The following CD99L2 variants were observed in gnomAD, a reference collection of about 807,000 sequenced individuals.
CD99L2 encodes CD99 molecule like 2.
Under a neutral mutation model 27.3 loss-of-function variants are expected in CD99L2, and 24 were observed. The observed-to-expected ratio is 0.88, with a 90% CI of 0.64 to 1.24. CD99L2 has a LOEUF of 1.24. Ranked by LOEUF, CD99L2 falls within the 50% of genes most tolerant of loss-of-function variation. The probability of loss-of-function intolerance (pLI) is 0.00; values close to 1 mark genes in which losing one functional copy is unlikely to be tolerated. For synonymous variants in CD99L2, 97 were observed against 87.9 expected (o/e 1.10, Z -0.58); for missense variants, 255 against 221.6 (o/e 1.15, Z -0.96).
At position 150,824,601 on chromosome X, in the gene CD99L2, GAGGAGAAGAAGA is replaced by G. The variant is rs1346052493; in HGVS notation, c.130+6618_130+6629del. Among the ~76,000 whole-genome samples the G allele has an allele frequency of 9.9e-3, 918 of 92,588 alleles. 9 individuals are homozygous for G. Among genetic ancestry groups the G allele is most frequent in the African/African-American group, 0.033 (803 of 24,455 alleles). 80.4% of individuals were successfully genotyped at this position (92,588 alleles called of 115,157 possible). On this transcript the variant is annotated intron_variant, in intron 2 of 10. Coordinates refer to ENST00000370377, the MANE Select transcript of CD99L2 (RefSeq NM_031462.4). ...GGAGGAGAAGGAGGAGAAGAAGAAG[GAGGAGAAGAAGA>G]AGGAGAAGAAGGAGGAGAAGAAGGA...
chrX:150,817,463 C>T (rs1225477022), intron 2 of CD99L2, among the ~76,000 whole-genome samples: 2 of 111,575 alleles, frequency 1.8e-5, no homozygotes, highest in African/African-American at 6.5e-5. Context: ...AGCTCAACCA[C>T]ATTCCTTAAA....
At chrX:150,777,020 T>C (rs2043568529) in intron 8 of CD99L2, 4 of 172,287 alleles carry the variant, frequency 2.3e-5, no homozygotes, top group African/African-American at 1.2e-4. Context: ...TTGCATTCTT[T>C]TGAGTCCTTG....
chrX:150,893,169 C>T (rs143920228), intron 1 of CD99L2, among the ~76,000 whole-genome samples: 1,526 of 111,920 alleles, frequency 0.014, 19 homozygotes, highest in Middle Eastern at 0.075. Flanking sequence ...AGGGATGTGA[C>T]CTATGACAGC....
chrX:150,815,277 A>C (rs1189343925), intron 3 of CD99L2, among the ~76,000 whole-genome samples: 7 of 112,301 alleles, frequency 6.2e-5, no homozygotes. Flanking sequence ...AGGTACACAG[A>C]GTCCATAAAG....
chrX:150,802,690 T>C (rs1418394066), intron 4 of CD99L2, among the ~76,000 whole-genome samples: 3 of 101,305 alleles, frequency 3.0e-5, no homozygotes, highest in African/African-American at 1.1e-4. Flanking sequence ...CACGCCATTC[T>C]CCTGCCTCAG....
chrX:150,847,556 C>G (rs1447322601), intron 1 of CD99L2, among the ~76,000 whole-genome samples: 1 of 110,663 alleles, frequency 9.0e-6, no homozygotes, highest in Non-Finnish European at 1.9e-5. Flanking sequence ...TTCTCTCCCA[C>G]CCCTTCATAA....
intron 1 of CD99L2, among the ~76,000 whole-genome samples, chrX:150,836,385 C>T (rs1192152143): frequency 3.6e-5 from 4 of 110,727 alleles, no homozygotes; most frequent in African/African-American, 1.3e-4. Context: ...CTCTTGTTGC[C>T]GAGGCTGGAG....
intron 1 of CD99L2, among the ~76,000 whole-genome samples, chrX:150,861,365 T>C (rs1557421902): frequency 1.8e-5 from 2 of 110,815 alleles, no homozygotes; most frequent in Admixed American, 1.9e-4. Flanking sequence ...CAAAATATAT[T>C]ACAAGGCTAT....
rs2045417776 is a variant in CD99L2 at position 150,777,495 on chromosome X, C to G, written c.497-13G>C. 3 of 1,208,215 alleles carry G rather than the reference C, an allele frequency of 2.5e-6. No individual in the cohort carries two copies. Among genetic ancestry groups the G allele is most frequent in the Middle Eastern group, 2.3e-4 (1 of 4,362 alleles). On this transcript the variant is annotated splice_polypyrimidine_tract_variant and intron_variant, in intron 7 of 10. Transcript: ENST00000370377. ...TACCGGCCATCACCTGAAGAAAAGA[C>G]AAAAGCACTTAGTGCCAGCGACCAG...
chrX:150,830,820 T>C (rs1212776294), intron 2 of CD99L2, among the ~76,000 whole-genome samples: 2 of 111,121 alleles, frequency 1.8e-5, no homozygotes, highest in Admixed American at 1.9e-4. Flanking sequence ...TTTTCTTTTC[T>C]TTTTTGAGAC....
At chrX:150,802,233 A>C (rs1429646868) in intron 4 of CD99L2, among the ~76,000 whole-genome samples, 2 of 111,716 alleles carry the variant, frequency 1.8e-5, no homozygotes, top group Non-Finnish European at 3.8e-5. Context: ...AGCAGTGAAC[A>C]TATCAAACCC....
intron 1 of CD99L2, among the ~76,000 whole-genome samples, chrX:150,888,641 C>G (rs1557422699): frequency 8.9e-6 from 1 of 112,247 alleles, no homozygotes; most frequent in East Asian, 2.8e-4. Flanking sequence ...TAAAAGGTTT[C>G]TAAGCCCATC....
At chrX:150,875,800 C>A (rs1231430682) in intron 1 of CD99L2, among the ~76,000 whole-genome samples, 8 of 107,018 alleles carry the variant, frequency 7.5e-5, no homozygotes, top group African/African-American at 2.3e-4. Context: ...AGTTTCCCTG[C>A]ACAAGCTCTC....
At chrX:150,887,048 C>T (rs67847505) in intron 1 of CD99L2, among the ~76,000 whole-genome samples, 2 of 107,700 alleles carry the variant, frequency 1.9e-5, no homozygotes, top group Non-Finnish European at 3.8e-5. Flanking sequence ...GGGAGGCTGA[C>T]GTGGGAAGAT....
At chrX:150,782,632 C>G (rs2045531401) in intron 7 of CD99L2, among the ~76,000 whole-genome samples, 1 of 111,941 alleles carries the variant, frequency 8.9e-6, no homozygotes, top group South Asian at 3.7e-4. Context: ...CACAGAACAC[C>G]AGAGCTGGGG....
chrX:150,895,771 T>C (rs782227673), intron 1 of CD99L2, among the ~76,000 whole-genome samples: 74 of 111,524 alleles, frequency 6.6e-4, no homozygotes, highest in African/African-American at 2.2e-3. Context: ...CTCACACCTG[T>C]AATCCCAGCA....
intron 3 of CD99L2, 55 bp from the exon 4 acceptor site, chrX:150,814,991 TAA>T: frequency 1.7e-6 from 2 of 1,168,270 alleles, no homozygotes; most frequent in South Asian, 3.6e-5. Flanking sequence ...CAACTGGGTA[TAA>T]GATTCCAAAA....
chrX:150,872,014 T>C (rs2047164587), intron 1 of CD99L2, among the ~76,000 whole-genome samples: 1 of 111,595 alleles, frequency 9.0e-6, no homozygotes, highest in Non-Finnish European at 1.9e-5. Context: ...GAGAATCACT[T>C]GAGCCCAGGA....
intron 1 of CD99L2, among the ~76,000 whole-genome samples, chrX:150,833,176 C>T (rs934962707): frequency 9.1e-6 from 1 of 109,754 alleles, no homozygotes; most frequent in Non-Finnish European, 1.9e-5. Flanking sequence ...GAACAATGAA[C>T]TGTCTGAAAA....
Sources: gnomAD v4.1 joint callset for allele counts (sites outside exome capture counted in the v4.1 genomes callset) on GRCh38, gnomAD v4.1.1 for gene constraint, MANE v1.5 for transcripts, NCBI Gene and HGNC (gene_info 2026-07-23, HGNC 2026-07-21) for gene names.